GPHN: variants seen among roughly 807,000 people sequenced by gnomAD.
GPHN encodes gephyrin.
In GPHN, 17 loss-of-function variants were observed where a neutral mutation model predicts 95.5. The observed-to-expected ratio is 0.18, with a 90% CI of 0.12 to 0.27. GPHN has a LOEUF of 0.27. Among genes scored for constraint, GPHN ranks in the 10% least tolerant of loss-of-function variants. GPHN has a pLI of 1.00. For synonymous variants in GPHN, 320 were observed against 322.5 expected (o/e 0.99, Z 0.08); for missense variants, 660 against 978.1 (o/e 0.67, Z 4.34).
chr14:67,305,038 T>G, the GPHN span, among the ~76,000 whole-genome samples: 5 of 152,206 alleles, frequency 3.3e-5, no homozygotes, highest in Non-Finnish European at 4.4e-5. Flanking sequence ...TGTTTACAGT[T>G]TTTTTGCAGG....
chr14:67,338,873 C>G, the GPHN span: 2 of 866,220 alleles, frequency 2.3e-6, no homozygotes, highest in African/African-American at 1.7e-5. Context: ...AGAAAAAAAC[C>G]TGGTACTTTT....
chr14:67,687,426 T>G, the GPHN span, among the ~76,000 whole-genome samples: 284 of 151,776 alleles, frequency 1.9e-3, no homozygotes, highest in African/African-American at 6.7e-3. Context: ...CTTTGTACAT[T>G]CTCCTCCTTC....
At chr14:67,225,120 C>T in the GPHN span, 28 of 1,559,742 alleles carry the variant, frequency 1.8e-5, no homozygotes, top group Non-Finnish European at 2.1e-5. Context: ...CCCTCTAGTT[C>T]TCTCCCCTCA....
At chr14:67,139,403 CCT>C (rs1463050271) in intron 17 of GPHN, among the ~76,000 whole-genome samples, 1 of 152,052 alleles carries the variant, frequency 6.6e-6, no homozygotes. Flanking sequence ...TGGCCAGCAT[CCT>C]CTCTTTCTGA....
At chr14:66,736,903 A>G (rs2072343151) in intron 2 of GPHN, among the ~76,000 whole-genome samples, 1 of 151,914 alleles carries the variant, frequency 6.6e-6, no homozygotes, top group Admixed American at 6.6e-5. Flanking sequence ...CTCTTTGCTG[A>G]ATTCTATATC....
the GPHN span, among the ~76,000 whole-genome samples, chr14:67,601,595 T>G: frequency 2.6e-5 from 4 of 151,276 alleles, no homozygotes; most frequent in Non-Finnish European, 4.4e-5. Context: ...GGAGTGGCTA[T>G]GTGGACTGTC....
At chr14:67,071,400 G>A (rs910213325) in intron 11 of GPHN, among the ~76,000 whole-genome samples, 15 of 151,622 alleles carry the variant, frequency 9.9e-5, no homozygotes, top group Non-Finnish European at 1.6e-4. Context: ...ACCAAACACC[G>A]CATGTTCTCA....
intron 8 of GPHN, among the ~76,000 whole-genome samples, chr14:66,930,007 G>A (rs1466443624): frequency 5.9e-5 from 9 of 152,106 alleles, no homozygotes; most frequent in South Asian, 2.1e-4. Context: ...CACCGCGCCC[G>A]GCCGTCTGTG....
chr14:67,717,039 C>T, the GPHN span, among the ~76,000 whole-genome samples: 1 of 152,136 alleles, frequency 6.6e-6, no homozygotes, highest in African/African-American at 2.4e-5. Context: ...ATTTTATTAA[C>T]ATACTTCAAA....
rs963429260 is a variant in GPHN at position 66,748,858 on chromosome 14, G to C, written c.144-27606G>C. Among the ~76,000 whole-genome samples the C allele has an allele frequency of 2.6e-5, 4 of 151,924 alleles. No homozygotes were observed. In the East Asian group the frequency reaches 7.7e-4, roughly 29 times the overall value. ...TAAGAAAGCAAAGATGTCAAGTGTG[G>C]AATTTTCCACTTGTAGTGTCATGTT... On this transcript the variant is annotated intron_variant, in intron 2 of 22. Coordinates refer to ENST00000478722, the MANE Select transcript of GPHN (RefSeq NM_020806.5).
chr14:67,274,461 G>A, the GPHN span, among the ~76,000 whole-genome samples: 3 of 152,056 alleles, frequency 2.0e-5, no homozygotes, highest in Non-Finnish European at 4.4e-5. Context: ...TGAGGGCTCT[G>A]TTCTGTTCCA....
chr14:66,919,391 G>A (rs1047904767), intron 6 of GPHN, among the ~76,000 whole-genome samples: 3 of 152,140 alleles, frequency 2.0e-5, no homozygotes, highest in Admixed American at 2.0e-4. Flanking sequence ...GATGGGAAAA[G>A]AAGTAGAGAA....
intron 2 of GPHN, among the ~76,000 whole-genome samples, chr14:66,771,960 A>G (rs915263712): frequency 3.9e-5 from 6 of 152,248 alleles, no homozygotes; most frequent in Admixed American, 2.0e-4. Flanking sequence ...GCAGTGGTTC[A>G]GTATTAGCTC....
chr14:66,777,036 G>GC (rs1319977688), intron 3 of GPHN, among the ~76,000 whole-genome samples: 5 of 151,348 alleles, frequency 3.3e-5, no homozygotes, highest in Non-Finnish European at 2.9e-5. Flanking sequence ...TCCCGAGCTG[G>GC]TTTTTTGAAA....
chr14:66,774,283 T>C (rs1259183559), intron 2 of GPHN, among the ~76,000 whole-genome samples: 1 of 152,174 alleles, frequency 6.6e-6, no homozygotes, highest in Non-Finnish European at 1.5e-5. Flanking sequence ...ATTACAGGCA[T>C]GAGCCACCGC....
At chr14:67,387,084 G>T in the GPHN span, 1 of 331,084 alleles carries the variant, frequency 3.0e-6, no homozygotes, top group Non-Finnish European at 5.5e-6. Context: ...TGTTTGTGAT[G>T]CTGGGGAAAA....
chr14:67,393,905 T>C, the GPHN span, among the ~76,000 whole-genome samples: 9 of 152,334 alleles, frequency 5.9e-5, no homozygotes, highest in East Asian at 1.9e-4. Flanking sequence ...AAAAGCTTGC[T>C]ATATAAAGGA....
chr14:67,303,680 T>C, the GPHN span: 1 of 971,802 alleles, frequency 1.0e-6, no homozygotes, highest in African/African-American at 1.6e-5. Context: ...TACAGAAATG[T>C]CACTGTTTCC....
At chr14:67,412,674 T>C in the GPHN span, among the ~76,000 whole-genome samples, 2 of 152,114 alleles carry the variant, frequency 1.3e-5, no homozygotes, top group Non-Finnish European at 2.9e-5. Flanking sequence ...AAGCCGAAAA[T>C]TCCATCATTA....
Sources: allele counts gnomAD v4.1 joint callset (sites outside exome capture counted in the v4.1 genomes callset), GRCh38; gene constraint gnomAD v4.1.1; transcripts MANE v1.5; gene names NCBI Gene and HGNC (gene_info 2026-07-23, HGNC 2026-07-21).